Variants in ROBO2 observed in about 807,000 individuals in gnomAD.
ROBO2 encodes the protein roundabout homolog 2.
In ROBO2, 53 loss-of-function variants were observed where a neutral mutation model predicts 160.8. That is an observed-to-expected ratio of 0.33 (90% CI 0.26 to 0.41). ROBO2 has a LOEUF of 0.41. ROBO2 is among the 10% of genes least tolerant of loss of function. ROBO2 has a pLI of 1.00. For synonymous variants in ROBO2, 664 were observed against 611.7 expected, an observed-to-expected ratio of 1.09 and a Z score of -1.26; for missense variants, 1,577 against 1,722.4, an observed-to-expected ratio of 0.92 and a Z score of 1.49.
At chr3:76,196,585 G>GTGA (rs1218514298) in intron 2 of ROBO2, among the ~76,000 whole-genome samples, 1 of 152,092 alleles carries the variant, frequency 6.6e-6, no homozygotes, top group African/African-American at 2.4e-5. Flanking sequence ...TGTTTCTGCT[G>GTGA]TGAGATTTCT....
chr3:76,317,683 C>T (rs1478757687), intron 2 of ROBO2, among the ~76,000 whole-genome samples: 1 of 151,960 alleles, frequency 6.6e-6, no homozygotes, highest in African/African-American at 2.4e-5. Flanking sequence ...AATTCCAAAA[C>T]CAGGTCTGAA....
At chr3:76,039,710 T>C (rs543015858) in intron 2 of ROBO2, among the ~76,000 whole-genome samples, 2 of 152,108 alleles carry the variant, frequency 1.3e-5, no homozygotes, top group South Asian at 2.1e-4. Context: ...ATAATAAGCA[T>C]AGATATTTGT....
At chr3:76,677,721 A>G (rs1056162531) in intron 2 of ROBO2, among the ~76,000 whole-genome samples, 1 of 152,114 alleles carries the variant, frequency 6.6e-6, no homozygotes, top group Non-Finnish European at 1.5e-5. Context: ...AAAGAAAAAA[A>G]GATTTTTTAA....
At chr3:77,310,692 C>G (rs1019509324) in intron 2 of ROBO2, among the ~76,000 whole-genome samples, 1 of 151,930 alleles carries the variant, frequency 6.6e-6, no homozygotes, top group Admixed American at 6.6e-5. Context: ...AAGATTCAAG[C>G]CTTTTTTTTC....
chr3:76,423,767 G>A (rs897029819), intron 2 of ROBO2, among the ~76,000 whole-genome samples: 2 of 152,206 alleles, frequency 1.3e-5, no homozygotes, highest in East Asian at 3.9e-4. Flanking sequence ...TTGAGAACTG[G>A]AGTTCATGGA....
intron 2 of ROBO2, among the ~76,000 whole-genome samples, chr3:77,152,359 A>G (rs1321192300): frequency 6.6e-6 from 1 of 152,226 alleles, no homozygotes; most frequent in African/African-American, 2.4e-5. Context: ...ATAGGCAATC[A>G]GTAAAACATA....
rs112746282 is a variant in ROBO2 at position 76,953,820 on chromosome 3, A to ATGTG, written c.110-144173_110-144170dup. ...TAAAAGACCATATGTTCCTTTTTAA[A>ATGTG]TGTGTGTGTGTGTGTGTGTGTGTGC... is the stretch of plus-strand genomic sequence containing the variant. On this transcript the variant is annotated intron_variant, in intron 2 of 26. Coordinates refer to the ROBO2 transcript ENST00000487694. Among the ~76,000 whole-genome samples the ATGTG allele has an allele frequency of 8.4e-3, 1,249 of 149,400 alleles. 19 individuals carry two copies. Among genetic ancestry groups the ATGTG allele is most frequent in the African/African-American group, 0.026 (1,075 of 40,936 alleles).
At chr3:77,280,218 G>C (rs947363579) in intron 2 of ROBO2, among the ~76,000 whole-genome samples, 2 of 152,106 alleles carry the variant, frequency 1.3e-5, no homozygotes, top group African/African-American at 4.8e-5. Context: ...TAAATGTTTA[G>C]ACAAACCGCT....
At chr3:76,913,845 CTG>C (rs1445596701) in intron 2 of ROBO2, among the ~76,000 whole-genome samples, 2 of 151,662 alleles carry the variant, frequency 1.3e-5, no homozygotes, top group African/African-American at 2.4e-5. Context: ...AGATGAGTAA[CTG>C]TGAAAAATAC....
intron 6 of ROBO2, among the ~76,000 whole-genome samples, chr3:77,538,127 T>A (rs1228127403): frequency 2.3e-5 from 3 of 129,512 alleles, no homozygotes; most frequent in South Asian, 5.1e-4. Flanking sequence ...ACAAAAAAAA[T>A]AGTTAATTAG....
At chr3:76,948,458 T>A (rs1398193526) in intron 2 of ROBO2, among the ~76,000 whole-genome samples, 2 of 151,934 alleles carry the variant, frequency 1.3e-5, no homozygotes, top group Non-Finnish European at 2.9e-5. Context: ...TTAATATCAC[T>A]CATTGTCTTT....
chr3:77,089,754 C>T (rs1402138423), intron 1 of ROBO2, among the ~76,000 whole-genome samples: 1 of 152,048 alleles, frequency 6.6e-6, no homozygotes, highest in Admixed American at 6.6e-5. Context: ...CATATCCTAC[C>T]ACATCACTGG....
intron 2 of ROBO2, among the ~76,000 whole-genome samples, chr3:76,688,389 T>A (rs1235312812): frequency 1.3e-5 from 2 of 151,968 alleles, no homozygotes; most frequent in Non-Finnish European, 2.9e-5. Flanking sequence ...CAGATTTAAA[T>A]CAGGAGATGG....
intron 2 of ROBO2, among the ~76,000 whole-genome samples, chr3:76,294,670 C>G (rs998008987): frequency 1.3e-5 from 2 of 152,166 alleles, no homozygotes; most frequent in African/African-American, 4.8e-5. Flanking sequence ...CTGTCAATTA[C>G]TTTTTCGAAA....
chr3:76,841,061 C>A (rs1410613692), intron 2 of ROBO2, among the ~76,000 whole-genome samples: 6 of 152,058 alleles, frequency 3.9e-5, no homozygotes, highest in African/African-American at 1.4e-4. Flanking sequence ...CACAAGGAAG[C>A]AGAGATAATT....
intron 2 of ROBO2, among the ~76,000 whole-genome samples, chr3:76,037,265 T>C (rs1243205759): frequency 1.3e-5 from 2 of 150,976 alleles, no homozygotes; most frequent in Admixed American, 6.6e-5. Flanking sequence ...TTTTTCTTTT[T>C]TTTTTTTTTT....
intron 2 of ROBO2, among the ~76,000 whole-genome samples, chr3:76,140,632 C>T (rs2071597867): frequency 6.6e-6 from 1 of 151,586 alleles, no homozygotes; most frequent in South Asian, 2.1e-4. Flanking sequence ...CAGAGTGTTC[C>T]CTGTGAAATA....
chr3:76,773,985 C>T (rs917378572), intron 2 of ROBO2, among the ~76,000 whole-genome samples: 3 of 150,802 alleles, frequency 2.0e-5, no homozygotes, highest in African/African-American at 7.3e-5. Context: ...TTGATTTTTT[C>T]CCTAGACTGC....
intron 2 of ROBO2, among the ~76,000 whole-genome samples, chr3:76,985,575 G>GAAAAAAAAAA (rs532632866): frequency 3.8e-4 from 10 of 26,378 alleles, no homozygotes; most frequent in South Asian, 2.0e-3. Context: ...GACTCCGTCT[G>GAAAAAAAAAA]AAAAAAAAAA....
Sources: gnomAD v4.1 joint callset for allele counts (sites outside exome capture counted in the v4.1 genomes callset) on GRCh38, gnomAD v4.1.1 for gene constraint, MANE v1.5 for transcripts, NCBI Gene and HGNC (gene_info 2026-07-23, HGNC 2026-07-21) for gene names.